Variants in PAX3 observed in about 807,000 individuals in gnomAD.
PAX3 encodes the protein paired box 3.
In PAX3, 14 loss-of-function variants were observed where a neutral mutation model predicts 51.6. The observed-to-expected ratio is 0.27, with a 90% CI of 0.18 to 0.42. The LOEUF is 0.42. Among genes scored for constraint, PAX3 ranks in the 10% least tolerant of loss-of-function variants. PAX3 has a pLI of 1.00. For missense variants in PAX3, 540 were observed against 642.8 expected (o/e 0.84, Z 1.73); for synonymous variants, 280 against 253.4 (o/e 1.11, Z -1.00).
intron 4 of PAX3, among the ~76,000 whole-genome samples, chr2:222,271,995 C>G (rs960634100): frequency 6.6e-6 from 1 of 152,198 alleles, no homozygotes; most frequent in African/African-American, 2.4e-5. Context: ...TGCTGGACCT[C>G]TCTCCTGAAG....
At chr2:222,248,806 G>A (rs940357107) in intron 4 of PAX3, among the ~76,000 whole-genome samples, 2 of 152,164 alleles carry the variant, frequency 1.3e-5, no homozygotes, top group African/African-American at 4.8e-5. Context: ...GTCATTTTAA[G>A]AGAAATGTCT....
intron 4 of PAX3, among the ~76,000 whole-genome samples, chr2:222,245,155 A>AAAAG (rs1431963347): frequency 6.6e-6 from 1 of 152,232 alleles, no homozygotes; most frequent in African/African-American, 2.4e-5. Context: ...CAAAAAAAGA[A>AAAAG]AAAGAAAAGA....
chr2:222,295,371 T>C (rs568351927), intron 3 of PAX3, among the ~76,000 whole-genome samples, 157 bp downstream of exon 3: 7 of 151,984 alleles, frequency 4.6e-5, no homozygotes, highest in Non-Finnish European at 1.0e-4. Context: ...CTCCATAAAG[T>C]GCCAAGAACA....
intron 4 of PAX3, among the ~76,000 whole-genome samples, chr2:222,236,917 C>T (rs1250016177): frequency 6.6e-6 from 1 of 152,198 alleles, no homozygotes; most frequent in Non-Finnish European, 1.5e-5. Flanking sequence ...TCATGCACAG[C>T]ATTCTAAATG....
At chr2:222,268,746 T>G (rs1694146701) in intron 4 of PAX3, among the ~76,000 whole-genome samples, 1 of 152,198 alleles carries the variant, frequency 6.6e-6, no homozygotes, top group African/African-American at 2.4e-5. Context: ...GTGTTTGTCT[T>G]TAAGAGTTGT....
At chr2:222,205,051 C>T (rs1691452491) in intron 7 of PAX3, among the ~76,000 whole-genome samples, 1 of 152,058 alleles carries the variant, frequency 6.6e-6, no homozygotes, top group African/African-American at 2.4e-5. Context: ...TCAAGAAGGA[C>T]CTAGAAGAGA....
At position 222,239,524 on chromosome 2, in the gene PAX3, A is replaced by G. The variant is rs1692927857; in HGVS notation, c.587-7241T>C. 2.0e-5 allele frequency among the ~76,000 whole-genome samples: 3 copies of G among 151,554 alleles called. No homozygotes were observed. The South Asian group carries it at 6.2e-4, about 31-fold the overall frequency. Reference sequence around the variant, plus strand: ...TGTTGAGAAAAGAAAACAGATATGCAGGTGGAAAAAAAACAGAGATTTAAA... The same window carrying G: ...TGTTGAGAAAAGAAAACAGATATGCGGGTGGAAAAAAAACAGAGATTTAAA... On this transcript the variant is annotated intron_variant, in intron 4 of 8. Coordinates refer to ENST00000392070, the MANE Select transcript of PAX3 (RefSeq NM_181458.4).
intron 5 of PAX3, among the ~76,000 whole-genome samples, chr2:222,229,750 G>T (rs1692516109): frequency 6.6e-6 from 1 of 152,144 alleles, no homozygotes; most frequent in African/African-American, 2.4e-5. Flanking sequence ...TGACTAGAGT[G>T]AAAAAGAAAG....
chr2:222,258,426 A>G (rs1453944509), intron 4 of PAX3, among the ~76,000 whole-genome samples: 1 of 148,850 alleles, frequency 6.7e-6, no homozygotes, highest in East Asian at 2.2e-4. Context: ...TAATAGGGTA[A>G]TTTGAAAAAA....
chr2:222,238,335 C>T (rs2106105964), intron 4 of PAX3, among the ~76,000 whole-genome samples: 1 of 152,294 alleles, frequency 6.6e-6, no homozygotes, highest in East Asian at 1.9e-4. Flanking sequence ...CTAGTTAACA[C>T]TATTATACAT....
intron 7 of PAX3, among the ~76,000 whole-genome samples, chr2:222,202,591 G>T (rs1337668984): frequency 6.6e-6 from 1 of 152,038 alleles, no homozygotes; most frequent in African/African-American, 2.4e-5. Context: ...ATTATATCTG[G>T]AAGTTTCACA....
intron 4 of PAX3, 195 bp downstream of exon 4, chr2:222,293,972 G>C: frequency 5.9e-6 from 9 of 1,523,822 alleles, no homozygotes; most frequent in Non-Finnish European, 7.9e-6. Flanking sequence ...AAACTAAGCA[G>C]AATAGAAATG....
chr2:222,293,010 G>A (rs908420483), intron 4 of PAX3, among the ~76,000 whole-genome samples: 35 of 152,200 alleles, frequency 2.3e-4, no homozygotes, highest in Admixed American at 3.3e-4. Flanking sequence ...GGCTGCCACA[G>A]AGTTGGGCAA....
chr2:222,273,231 A>T (rs1014227518), intron 4 of PAX3, among the ~76,000 whole-genome samples: 2 of 152,200 alleles, frequency 1.3e-5, no homozygotes, highest in East Asian at 3.8e-4. Context: ...TGTTCCTTAC[A>T]ACATGATACT....
chr2:222,230,314 A>C (rs1692539435), intron 5 of PAX3, among the ~76,000 whole-genome samples: 1 of 151,952 alleles, frequency 6.6e-6, no homozygotes, highest in South Asian at 2.1e-4. Flanking sequence ...ACACAGGAAC[A>C]GAAAACCAAA....
intron 4 of PAX3, chr2:222,262,854 G>C (rs997599260): frequency 6.6e-6 from 1 of 152,058 alleles, no homozygotes; most frequent in Non-Finnish European, 1.5e-5. Context: ...TTTGACAAAG[G>C]TGCAAATGCA....
chr2:222,275,814 T>A (rs1694400083), intron 4 of PAX3, among the ~76,000 whole-genome samples: 2 of 152,270 alleles, frequency 1.3e-5, no homozygotes, highest in South Asian at 2.1e-4. Context: ...TCTTCATGAG[T>A]TTTCTCTGAA....
chr2:222,255,848 A>G (rs1260365197), intron 4 of PAX3, among the ~76,000 whole-genome samples: 1 of 140,564 alleles, frequency 7.1e-6, no homozygotes, highest in Non-Finnish European at 1.5e-5. Flanking sequence ...GTGGCACAAT[A>G]TTGGCCATTC....
At chr2:222,260,574 T>TTG (rs1426042355) in intron 4 of PAX3, among the ~76,000 whole-genome samples, 5 of 77,620 alleles carry the variant, frequency 6.4e-5, no homozygotes, top group Non-Finnish European at 1.3e-4. Context: ...TGTTTTTTTT[T>TTG]TTTGTTTTTT....
Sources: allele counts gnomAD v4.1 joint callset (sites outside exome capture counted in the v4.1 genomes callset), GRCh38; gene constraint gnomAD v4.1.1; transcripts MANE v1.5; gene names NCBI Gene and HGNC (gene_info 2026-07-23, HGNC 2026-07-21).